C5: variants seen among roughly 807,000 people sequenced by gnomAD.
C5 encodes the protein complement C5.
C5 carries 140 observed loss-of-function variants against 218.8 expected under a neutral mutation model. The ratio of observed to expected loss-of-function variants is 0.64; its 90% CI spans 0.56 to 0.74. The LOEUF (loss-of-function observed/expected upper bound fraction) is 0.74. Ranked by LOEUF, C5 falls within the 30% of genes least tolerant of loss-of-function variation. The pLI, the probability that C5 is intolerant of heterozygous loss-of-function variation, is 0.00. For synonymous variants in C5, 614 were observed against 682.3 expected (o/e 0.90, Z 1.56); for missense variants, 1,700 against 1,969.6 (o/e 0.86, Z 2.59).
At position 120,981,949 on chromosome 9, in the gene C5, A is replaced by G. The variant is rs755197642; in HGVS notation, c.3391-10T>C. 7 of 1,595,164 alleles carry G rather than the reference A, an allele frequency of 4.4e-6. No homozygotes were observed. The highest frequency in any genetic ancestry group is 6.0e-6 in the Non-Finnish European group (7 of 1,162,912). On this transcript the variant is annotated splice_polypyrimidine_tract_variant and intron_variant, in intron 26 of 40. Transcript: ENST00000223642. ...CAACAGGCAAGGTACCCTAAAAAGA[A>G]GCAATGTTTTAAAAGGGGAGTGAAA...
chr9:120,953,730 C>T lies in C5; in HGVS notation c.4901G>A (p.Arg1634Lys), dbSNP rs2046764402. Residue 1634 changes from arginine to lysine, a missense_variant and splice_region_variant, in exon 40 of 41, where the codon AGG becomes AAG. By Grantham distance (26) the Arg-to-Lys change is conservative (BLOSUM62 2). Coordinates refer to ENST00000223642, the MANE Select transcript of C5 (RefSeq NM_001735.3). The stretch of plus-strand genomic sequence containing the variant: ...TGACTGAAAAATATTGGTGACTTAC[C>T]TGAAACTGAAATTGTATTTTATCTG... ...ALQIKYNFSF[R>K]YIYPLDSLTW... 6.2e-7 allele frequency: 1 copy of T among 1,614,000 alleles called. No individual in the cohort carries two copies. The highest frequency in any genetic ancestry group is 8.5e-7 in the Non-Finnish European group (1 of 1,179,914).
At chr9:120,988,985 G>C (rs1380144164) in intron 25 of C5, 61 bp downstream of exon 25, 1 of 1,212,524 alleles carries the variant, frequency 8.2e-7, no homozygotes, top group East Asian at 2.3e-5. Context: ...TTCCATTATG[G>C]TTATTATTCT....
At chr9:120,963,519 A>T in intron 34 of C5, 117 bp downstream of exon 34, 1 of 794,872 alleles carries the variant, frequency 1.3e-6, no homozygotes. Context: ...AAAAAAAAAT[A>T]TTCTGGGTGA....
At chr9:121,000,043 G>A (rs10733649) in intron 20 of C5, 103,589 of 252,408 alleles carry the variant, frequency 0.41, 24,447 homozygotes, top group South Asian at 0.61. Flanking sequence ...TGGGCGACAG[G>A]GCGAGACTCT....
chr9:121,014,440 T>C (rs2047289322), intron 16 of C5, among the ~76,000 whole-genome samples: 1 of 152,226 alleles, frequency 6.6e-6, no homozygotes, highest in South Asian at 2.1e-4. Flanking sequence ...TATTTGAAGA[T>C]GGCTATCATC....
the C5 span, among the ~76,000 whole-genome samples, chr9:121,058,435 T>C: frequency 6.6e-6 from 1 of 152,130 alleles, no homozygotes. Flanking sequence ...TGTATATATA[T>C]GTATATATAA....
intron 3 of C5, 55 bp from the exon 4 acceptor site, chr9:121,038,006 T>C: frequency 2.4e-6 from 2 of 830,438 alleles, no homozygotes; most frequent in Non-Finnish European, 3.9e-6. Context: ...GATATTTTGA[T>C]TTTTTAAAAC....
chr9:120,967,076 A>G (rs2046873878), intron 33 of C5, among the ~76,000 whole-genome samples: 1 of 152,030 alleles, frequency 6.6e-6, no homozygotes, highest in Non-Finnish European at 1.5e-5. Context: ...CCTGGCCAAC[A>G]TGCTGAAACC....
intron 31 of C5, among the ~76,000 whole-genome samples, chr9:120,970,758 C>G (rs997211496): frequency 2.6e-5 from 4 of 152,122 alleles, no homozygotes; most frequent in Non-Finnish European, 4.4e-5. Flanking sequence ...TTACAACAGT[C>G]CTTGAAGGAA....
At chr9:121,064,657 T>C in the C5 span, among the ~76,000 whole-genome samples, 3 of 152,214 alleles carry the variant, frequency 2.0e-5, no homozygotes, top group East Asian at 5.8e-4. Context: ...TTCAAAAGCA[T>C]TGGTAAAATA....
At chr9:121,069,308 TG>T in the C5 span, among the ~76,000 whole-genome samples, 36 of 151,942 alleles carry the variant, frequency 2.4e-4, no homozygotes, top group East Asian at 6.2e-3. Flanking sequence ...ACAACAAAAT[TG>T]TATAAAAATG....
At chr9:121,064,893 C>T in the C5 span, among the ~76,000 whole-genome samples, 298 of 152,072 alleles carry the variant, frequency 2.0e-3, no homozygotes, top group African/African-American at 6.5e-3. Context: ...GGTGAAACCC[C>T]GTCTCTACTA....
At chr9:121,056,895 C>T in the C5 span, among the ~76,000 whole-genome samples, 9 of 151,926 alleles carry the variant, frequency 5.9e-5, no homozygotes, top group Non-Finnish European at 5.9e-5. Flanking sequence ...CAAAGAATGC[C>T]GAGCAGATTC....
At chr9:121,052,837 T>C (rs1209660460), upstream of C5, among the ~76,000 whole-genome samples, 2 of 152,268 alleles carry the variant, frequency 1.3e-5, no homozygotes, top group Non-Finnish European at 2.9e-5. Context: ...TTGTACTTAC[T>C]TGGTAAAATA....
chr9:121,008,478 CT>C lies in C5; in HGVS notation c.2277del (p.Val760Ter), dbSNP rs1390319518. ...LGRLHMKTLL[P>X]VSKPEIRSYF... ...TAACTCCGAATTTCTGGCTTGCTTACTGGTAACAGGGTCTTCATGTCTGGAC... is the reference window on the plus strand; with the variant it reads ...TAACTCCGAATTTCTGGCTTGCTTACGGTAACAGGGTCTTCATGTCTGGAC... On this transcript the variant is annotated frameshift_variant, in exon 18 of 41. Transcript: ENST00000223642. LOFTEE classifies it high-confidence loss of function. 2 of 1,613,390 alleles carry C rather than the reference CT, an allele frequency of 1.2e-6. No homozygotes were observed. Among genetic ancestry groups the C allele is most frequent in the Admixed American group, 1.7e-5 (1 of 60,002 alleles).
intron 27 of C5, among the ~76,000 whole-genome samples, chr9:120,980,904 C>T (rs1433824519): frequency 6.6e-6 from 1 of 152,150 alleles, no homozygotes; most frequent in African/African-American, 2.4e-5. Context: ...CCCATAGACA[C>T]AACTTTTATT....
intron 38 of C5, 134 bp downstream of exon 38, chr9:120,960,114 G>A (rs2046815869): frequency 1.5e-6 from 1 of 662,588 alleles, no homozygotes; most frequent in South Asian, 1.7e-5. Context: ...AAAAATCGAT[G>A]GCATTTTCCT....
chr9:121,000,237 A>G (rs1436915464), intron 20 of C5, among the ~76,000 whole-genome samples: 1 of 152,240 alleles, frequency 6.6e-6, no homozygotes, highest in Non-Finnish European at 1.5e-5. Context: ...TTTCCCTTAT[A>G]TTAATTCATA....
At chr9:121,060,607 A>AT in the C5 span, among the ~76,000 whole-genome samples, 4 of 151,570 alleles carry the variant, frequency 2.6e-5, no homozygotes, top group African/African-American at 7.3e-5. Flanking sequence ...AAATCTTTGA[A>AT]TTTTTTTTTC....
Sources: gnomAD v4.1 joint callset for allele counts (sites outside exome capture counted in the v4.1 genomes callset) on GRCh38, gnomAD v4.1.1 for gene constraint, MANE v1.5 for transcripts, NCBI Gene and HGNC (gene_info 2026-07-23, HGNC 2026-07-21) for gene names.